Variants in RIMBP2 observed in about 807,000 individuals in gnomAD.
The protein encoded by RIMBP2 is RIMS-binding protein 2.
Under a neutral mutation model 118.6 loss-of-function variants are expected in RIMBP2, and 48 were observed. The observed-to-expected ratio is 0.40, with a 90% CI of 0.32 to 0.51. The LOEUF (loss-of-function observed/expected upper bound fraction) is 0.51, where lower values mean the gene tolerates loss of function less well. RIMBP2 is among the 20% of genes least tolerant of loss of function. RIMBP2 has a pLI of 0.41. For missense variants in RIMBP2, 1,551 were observed against 1,768.3 expected, an observed-to-expected ratio of 0.88 and a Z score of 2.20; for synonymous variants, 762 against 742.9, an observed-to-expected ratio of 1.03 and a Z score of -0.42.
chr12:130,562,637 T>C (rs1391572529), intron 2 of RIMBP2, among the ~76,000 whole-genome samples: 1 of 152,222 alleles, frequency 6.6e-6, no homozygotes, highest in Non-Finnish European at 1.5e-5. Flanking sequence ...TCACATCCCC[T>C]ATCCAGGACC....
chr12:130,578,463 T>C lies in RIMBP2; in HGVS notation c.-217+49859A>G, dbSNP rs2058240472. Among the ~76,000 whole-genome samples the C allele has an allele frequency of 6.6e-6, 1 of 152,342 alleles. No homozygotes were observed. Among genetic ancestry groups the C allele is most frequent in the East Asian group, 1.9e-4 (1 of 5,190 alleles). On this transcript the variant is annotated intron_variant, in intron 2 of 22. Coordinates refer to ENST00000690449, the MANE Select transcript of RIMBP2 (RefSeq NM_001393629.1). This position sits in a 1 kb window ranked among gnomAD's most constrained non-coding sequence, Gnocchi z 4.1. ...CTGCCTCACCTGTCCAACCTCGCCT[T>C]GACCTGACTCTCCAGCTGCATCTTC...
chr12:130,434,977 T>G lies in RIMBP2; in HGVS notation c.2107-97A>C. 1 of 1,330,494 alleles carries G rather than the reference T, an allele frequency of 7.5e-7. No homozygotes were observed. The highest frequency in any genetic ancestry group is 2.5e-5 in the East Asian group (1 of 40,616). The allele number at this position is 1,330,494 out of a possible 1,614,324, so 82.4% of individuals were successfully genotyped here. A position where few individuals can be genotyped will look rare whatever the true frequency, so the allele number is the denominator to read the frequency against. ...ACCAAACCTTCAGCCCCTCAGAGCC[T>G]GGCCAGGCACCCCCCACACAGTGCT... On this transcript the variant is annotated intron_variant, in intron 13 of 22. Transcript: ENST00000690449. This position sits in a 1 kb window ranked among gnomAD's most constrained non-coding sequence, Gnocchi z 5.7.
At chr12:130,514,666 C>T (rs764200737) in intron 3 of RIMBP2, among the ~76,000 whole-genome samples, 6 of 152,146 alleles carry the variant, frequency 3.9e-5, no homozygotes, top group Non-Finnish European at 5.9e-5. Flanking sequence ...CGTCAGCCTG[C>T]GCTGGAGGCC....
chr12:130,426,604 A>C (rs955933686), intron 15 of RIMBP2: 3 of 151,946 alleles, frequency 2.0e-5, no homozygotes, highest in Admixed American at 2.0e-4. Flanking sequence ...AAACCAGACA[A>C]CACCTTGTGG....
intron 2 of RIMBP2, among the ~76,000 whole-genome samples, chr12:130,532,795 T>A (rs981419286): frequency 6.6e-6 from 1 of 150,450 alleles, no homozygotes; most frequent in Non-Finnish European, 1.5e-5. Context: ...TTACGTCTAA[T>A]GAGATGCGTG....
intron 6 of RIMBP2, among the ~76,000 whole-genome samples, chr12:130,463,436 C>T (rs2080182283): frequency 1.3e-5 from 2 of 152,134 alleles, no homozygotes; most frequent in East Asian, 1.9e-4. Context: ...AGCAGAGGCT[C>T]GCAAATGTGG....
chr12:130,427,060 G>T (rs2076839376), intron 15 of RIMBP2: 1 of 152,272 alleles, frequency 6.6e-6, no homozygotes, highest in Admixed American at 6.5e-5. Context: ...TAGGGATCTG[G>T]CATGTTCTTT....
chr12:130,635,666 G>T (rs1209554679), intron 1 of RIMBP2, among the ~76,000 whole-genome samples: 2 of 152,124 alleles, frequency 1.3e-5, no homozygotes, highest in Non-Finnish European at 2.9e-5. Flanking sequence ...CTGTGCTCTG[G>T]ACACCAATTC....
At chr12:130,676,924 TG>T in intron 1 of RIMBP2, among the ~76,000 whole-genome samples, 1 of 152,126 alleles carries the variant, frequency 6.6e-6, no homozygotes, top group Non-Finnish European at 1.5e-5. Flanking sequence ...GGAAAAAGCC[TG>T]TGGCTTAGTC....
At position 130,450,806 on chromosome 12, in the gene RIMBP2, G is replaced by A. The variant is rs1362315387; in HGVS notation, c.504+389C>T. ...GTCCTCTGCCCCCGCCCCCTCTCCAGCCACACCAGCCCCTTCCCATCAATG... is the reference window on the plus strand; with the variant it reads ...GTCCTCTGCCCCCGCCCCCTCTCCAACCACACCAGCCCCTTCCCATCAATG... On this transcript the variant is annotated intron_variant, in intron 8 of 22. Coordinates refer to ENST00000690449, the MANE Select transcript of RIMBP2 (RefSeq NM_001393629.1). This position sits in a 1 kb window ranked among gnomAD's most constrained non-coding sequence, Gnocchi z 4.8. 6.6e-6 allele frequency among the ~76,000 whole-genome samples: 1 copy of A among 151,912 alleles called. No individual in the cohort carries two copies. The highest frequency in any genetic ancestry group is 6.6e-5 in the Admixed American group (1 of 15,260).
intron 1 of RIMBP2, among the ~76,000 whole-genome samples, chr12:130,680,002 C>A (rs2064698786): frequency 6.6e-6 from 1 of 151,970 alleles, no homozygotes; most frequent in South Asian, 2.1e-4. Context: ...TGAGTGTGAT[C>A]ATGCAGGCAG....
chr12:130,583,229 C>T lies in RIMBP2; in HGVS notation c.-217+45093G>A, dbSNP rs1027444082. 9.9e-5 allele frequency among the ~76,000 whole-genome samples: 15 copies of T among 152,282 alleles called. No individual in the cohort carries two copies. The East Asian group carries it at 1.4e-3, about 14-fold the overall frequency. On this transcript the variant is annotated intron_variant, in intron 2 of 22. Transcript: ENST00000690449. Reference sequence around the variant, plus strand: ...TTTGGGATGTGGCATAGTGCCTCCGCGCCCCCAGCTTCATCTGTGAAGGAG... The same window carrying T: ...TTTGGGATGTGGCATAGTGCCTCCGTGCCCCCAGCTTCATCTGTGAAGGAG...
At chr12:130,601,335 CAAAAAAAAAAAAAA>C (rs35127958) in intron 2 of RIMBP2, among the ~76,000 whole-genome samples, 48 of 63,072 alleles carry the variant, frequency 7.6e-4, no homozygotes, top group Admixed American at 1.5e-3. Context: ...AGAGGGCAGG[CAAAAAAAAAAAAAA>C]AAAAAAAAAA....
At chr12:130,440,116 C>G (rs1345663836) in intron 11 of RIMBP2, among the ~76,000 whole-genome samples, 4 of 137,770 alleles carry the variant, frequency 2.9e-5, no homozygotes, top group Non-Finnish European at 6.3e-5. Flanking sequence ...GCATGGCTAA[C>G]CCTGGCCGTA....
chr12:130,435,990 G>C (rs1253264633), intron 13 of RIMBP2, among the ~76,000 whole-genome samples: 2 of 152,182 alleles, frequency 1.3e-5, no homozygotes, highest in Non-Finnish European at 2.9e-5. Context: ...GTAGGGTCCC[G>C]GTGAGACCCC....
chr12:130,617,408 C>T lies in RIMBP2; in HGVS notation c.-217+10914G>A. 6.6e-6 allele frequency among the ~76,000 whole-genome samples: 1 copy of T among 152,252 alleles called. No homozygotes were observed. Among genetic ancestry groups the T allele is most frequent in the Non-Finnish European group, 1.5e-5 (1 of 68,048 alleles). On this transcript the variant is annotated intron_variant, in intron 2 of 22. Coordinates refer to ENST00000690449, the MANE Select transcript of RIMBP2 (RefSeq NM_001393629.1). This position sits in a 1 kb window ranked among gnomAD's most constrained non-coding sequence, Gnocchi z 4.6. Reference sequence around the variant, plus strand: ...AGTCACCATCTCCCTTCACCAGACTCCATTTTTTTCCTAGCACACATTGCC... The same window carrying T: ...AGTCACCATCTCCCTTCACCAGACTTCATTTTTTTCCTAGCACACATTGCC...
chr12:130,495,262 T>C (rs1221591260), intron 4 of RIMBP2, among the ~76,000 whole-genome samples: 1 of 152,232 alleles, frequency 6.6e-6, no homozygotes, highest in Non-Finnish European at 1.5e-5. Flanking sequence ...CCCATCTGCC[T>C]GGATTCATGC....
At chr12:130,702,746 G>A (rs113706299) in intron 1 of RIMBP2, among the ~76,000 whole-genome samples, 63 of 152,040 alleles carry the variant, frequency 4.1e-4, no homozygotes, top group Admixed American at 6.6e-4. Context: ...TGAGGACAGA[G>A]GCCCTGGAAT....
intron 1 of RIMBP2, among the ~76,000 whole-genome samples, chr12:130,639,180 G>A (rs900707658): frequency 2.0e-5 from 3 of 148,816 alleles, no homozygotes; most frequent in African/African-American, 7.5e-5. Context: ...CTGAGGTCAG[G>A]AGTTCGAGAC....
Sources: allele counts gnomAD v4.1 joint callset (sites outside exome capture counted in the v4.1 genomes callset), GRCh38; gene constraint gnomAD v4.1.1; non-coding constraint Gnocchi (gnomAD v3.1); transcripts MANE v1.5; gene names NCBI Gene and HGNC (gene_info 2026-07-23, HGNC 2026-07-21).